The following CACNA2D4 variants were observed in gnomAD, a reference collection of about 807,000 sequenced individuals.
The protein encoded by CACNA2D4 is calcium voltage-gated channel auxiliary subunit alpha2delta 4.
CACNA2D4 carries 157 observed loss-of-function variants against 163.8 expected under a neutral mutation model. The ratio of observed to expected loss-of-function variants is 0.96; its 90% confidence interval spans 0.84 to 1.09. The LOEUF is 1.09. Among genes scored for constraint, CACNA2D4 ranks in the 50% least tolerant of loss-of-function variants. The pLI, the probability that CACNA2D4 is intolerant of heterozygous loss-of-function variation, is 0.00. For synonymous variants in CACNA2D4, 598 were observed against 586.9 expected (o/e 1.02, Z -0.27); for missense variants, 1,410 against 1,479.9 (o/e 0.95, Z 0.78).
At chr12:1,796,896 G>A (rs1438549826) in intron 35 of CACNA2D4, among the ~76,000 whole-genome samples, 6 of 152,228 alleles carry the variant, frequency 3.9e-5, no homozygotes, top group Non-Finnish European at 8.8e-5. Context: ...ATAACTAGCG[G>A]CTTCCACACA....
At position 1,834,172 on chromosome 12, in the gene CACNA2D4, C is replaced by A. The variant is rs1864749146; in HGVS notation, c.2551+6567G>T. 2.1e-6 allele frequency: 3 copies of A among 1,408,296 alleles called. No homozygotes were observed. Among genetic ancestry groups the A allele is most frequent in the Admixed American group, 2.5e-5 (1 of 39,254 alleles). The allele number at this position is 1,408,296 out of a possible 1,614,324, so 87.2% of individuals were successfully genotyped here. On this transcript the variant is annotated intron_variant, in intron 26 of 37. Coordinates refer to ENST00000382722, the MANE Select transcript of CACNA2D4 (RefSeq NM_172364.5). The surrounding 1 kb of genome is among the most constrained non-coding windows in gnomAD (Gnocchi z 7.6). ...TGACTACATTGCTGATAAAAACTAC[C>A]TTCTGGGGCTTCCGTTTTGGGGAGC...
In CACNA2D4 at chr12:1,918,578, G is replaced by T. The variant is rs1592758828; in HGVS notation, c.-105C>A. 1 of 810,100 alleles carries T rather than the reference G, an allele frequency of 1.2e-6. No individual in the cohort carries two copies. Among genetic ancestry groups the T allele is most frequent in the Non-Finnish European group, 2.0e-6 (1 of 508,044 alleles). 50.2% of individuals were successfully genotyped at this position (810,100 alleles called of 1,614,324 possible). Reference sequence around the variant, plus strand: ...AGCCTCTCAGTCCTGGGTGGGGAGGGCTTCTCTCTGCCCCACAGCTGCAGC... The same window carrying T: ...AGCCTCTCAGTCCTGGGTGGGGAGGTCTTCTCTCTGCCCCACAGCTGCAGC... On this transcript the variant is annotated 5_prime_UTR_variant, in exon 1 of 38. Transcript: ENST00000382722.
chr12:1,831,599 G>A, intron 26 of CACNA2D4: 1 of 1,297,064 alleles, frequency 7.7e-7, no homozygotes, highest in Non-Finnish European at 1.1e-6. Flanking sequence ...TCCTCCTGGT[G>A]GCTGGGTGCT....
At chr12:1,850,577 G>T (rs774160054) in intron 23 of CACNA2D4, among the ~76,000 whole-genome samples, 5 of 151,940 alleles carry the variant, frequency 3.3e-5, no homozygotes, top group Non-Finnish European at 1.5e-5. Flanking sequence ...TTTTATTTCT[G>T]CCATAGAAAC....
chr12:1,814,461 G>T (rs1003857565), intron 26 of CACNA2D4, among the ~76,000 whole-genome samples: 1 of 152,172 alleles, frequency 6.6e-6, no homozygotes, highest in African/African-American at 2.4e-5. Context: ...TAATGAGTGC[G>T]TTTTACAATC....
intron 6 of CACNA2D4, among the ~76,000 whole-genome samples, chr12:1,905,307 G>C (rs904862574): frequency 6.6e-6 from 1 of 152,050 alleles, no homozygotes; most frequent in African/African-American, 2.4e-5. Flanking sequence ...AACAAGACCA[G>C]GATGTCCACT....
chr12:1,860,128 A>G lies in CACNA2D4; in HGVS notation c.1940+17T>C. ...GTTCAACCCTCACCCCGTGCAAATA[A>G]AGCCTGTGTCCCTCACCTGAAAGGG... On this transcript the variant is annotated intron_variant, in intron 19 of 37. Transcript: ENST00000382722. 2 of 1,606,920 alleles carry G rather than the reference A, an allele frequency of 1.2e-6. No homozygotes were observed. The highest frequency in any genetic ancestry group is 4.5e-5 in the East Asian group (2 of 44,864).
chr12:1,860,289 C>G (rs528009855), intron 18 of CACNA2D4, 83 bp from the exon 19 acceptor site: 2 of 1,002,902 alleles, frequency 2.0e-6, no homozygotes, highest in African/African-American at 1.6e-5. Flanking sequence ...CTCTTGGGGT[C>G]TTCATCGTCA....
chr12:1,908,532 G>C (rs1188919667), intron 4 of CACNA2D4, among the ~76,000 whole-genome samples: 2 of 152,118 alleles, frequency 1.3e-5, no homozygotes, highest in Admixed American at 6.5e-5. Flanking sequence ...TGGAGGGCGT[G>C]CTAGGATTGC....
At chr12:1,864,767 C>T (rs533009273) in intron 18 of CACNA2D4, among the ~76,000 whole-genome samples, 6 of 152,378 alleles carry the variant, frequency 3.9e-5, no homozygotes, top group African/African-American at 1.2e-4. Flanking sequence ...TGATTGAAAA[C>T]GCCTTCGTGC....
chr12:1,902,259 TTAGA>T (rs1866555973), intron 6 of CACNA2D4, among the ~76,000 whole-genome samples: 1 of 152,038 alleles, frequency 6.6e-6, no homozygotes, highest in Non-Finnish European at 1.5e-5. Context: ...TAGTATCATA[TTAGA>T]TGGGGAAAGA....
chr12:1,854,553 A>G (rs1355845389), intron 22 of CACNA2D4, among the ~76,000 whole-genome samples: 2 of 152,148 alleles, frequency 1.3e-5, no homozygotes, highest in African/African-American at 4.8e-5. Context: ...CCACAGGTGC[A>G]CACCACCACA....
chr12:1,800,447 G>A lies in CACNA2D4; in HGVS notation c.2869-9C>T, dbSNP rs200330264. 2.8e-5 allele frequency: 45 copies of A among 1,613,748 alleles called. No individual in the cohort carries two copies. In the African/African-American group the frequency reaches 3.1e-4, roughly 11 times the overall value. ...AAGAAGGCAGAAATTGGCTGGGAAG[G>A]AGAGAGTGCACACCGCTCGCACCTA... On this transcript the variant is annotated splice_polypyrimidine_tract_variant and intron_variant, in intron 31 of 37. Transcript: ENST00000382722.
At position 1,828,455 on chromosome 12, in the gene CACNA2D4, G is replaced by T. The variant is rs576565380; in HGVS notation, c.2551+12284C>A. ...GGTTAGACCTGGAGCTGGAGGCCAC[G>T]ACAGTTGTTCTACCTCCCCCAGGTA... On this transcript the variant is annotated intron_variant, in intron 26 of 37. Transcript: ENST00000382722. The surrounding 1 kb of genome is among the most constrained non-coding windows in gnomAD (Gnocchi z 4.2). Among the ~76,000 whole-genome samples the T allele has an allele frequency of 6.6e-6, 1 of 152,228 alleles. No homozygotes were observed. The highest frequency in any genetic ancestry group is 1.5e-5 in the Non-Finnish European group (1 of 68,026).
intron 18 of CACNA2D4, among the ~76,000 whole-genome samples, chr12:1,870,256 C>T (rs1865741802): frequency 6.6e-6 from 1 of 152,154 alleles, no homozygotes; most frequent in African/African-American, 2.4e-5. Context: ...CTGCTTTCGG[C>T]TTTCCGTGTT....
intron 26 of CACNA2D4, chr12:1,831,595 TG>T: frequency 1.5e-6 from 2 of 1,334,776 alleles, no homozygotes; most frequent in Non-Finnish European, 2.1e-6. Context: ...ACTTTCCTCC[TG>T]GTGGCTGGGT....
In CACNA2D4 at chr12:1,914,926, T is replaced by C. The variant is rs73038195; in HGVS notation, c.237A>G (p.Leu79=). The part of the protein sequence containing the change: ...QAKIPLETVK[L]WADTFGGDLY... ...GGTCCCCGCCGAAGGTGTCAGCCCATAGCTTCACTCTGCCAGGCAATGAAA... is the reference window on the plus strand; with the variant it reads ...GGTCCCCGCCGAAGGTGTCAGCCCACAGCTTCACTCTGCCAGGCAATGAAA... The change falls in exon 2 of 38, where the codon CTA becomes CTG. Residue 79 remains leucine (L), a synonymous_variant. Transcript: ENST00000382722. The C allele has an allele frequency of 0.091, 146,193 of 1,610,796 alleles. 7,507 individuals carry two copies. Among genetic ancestry groups the C allele is most frequent in the Non-Finnish European group, 0.1 (119,395 of 1,177,054 alleles).
At chr12:1,814,943 G>T (rs941595081) in intron 26 of CACNA2D4, among the ~76,000 whole-genome samples, 3 of 152,216 alleles carry the variant, frequency 2.0e-5, no homozygotes, top group African/African-American at 7.2e-5. Flanking sequence ...AGGCTGGAGT[G>T]CAGTGGCACA....
At chr12:1,800,529 G>C (rs1035338107) in intron 31 of CACNA2D4, 91 bp from the exon 32 acceptor site, 2 of 1,323,712 alleles carry the variant, frequency 1.5e-6, no homozygotes, top group Admixed American at 3.5e-5. Context: ...AGAGAGACCA[G>C]AGAGTGGGCT....
Sources: allele counts gnomAD v4.1 joint callset (sites outside exome capture counted in the v4.1 genomes callset), GRCh38; gene constraint gnomAD v4.1.1; non-coding constraint Gnocchi (gnomAD v3.1); transcripts MANE v1.5; gene names NCBI Gene and HGNC (gene_info 2026-07-23, HGNC 2026-07-21).